PBX1: variants seen among roughly 807,000 people sequenced by gnomAD.
The protein encoded by PBX1 is PBX homeobox 1, also known as pre-B-cell leukemia transcription factor 1.
Under a neutral mutation model 53.4 loss-of-function variants are expected in PBX1, and 6 were observed. The observed-to-expected ratio is 0.11, with a 90% CI of 0.06 to 0.22. The LOEUF (loss-of-function observed/expected upper bound fraction) is 0.22, where lower values mean the gene tolerates loss of function less well. Ranked by LOEUF, PBX1 falls within the 10% of genes least tolerant of loss-of-function variation. The pLI is 1.00. For missense variants in PBX1, 251 were observed against 551.4 expected, an observed-to-expected ratio of 0.46 and a Z score of 5.46; for synonymous variants, 204 against 212.3, an observed-to-expected ratio of 0.96 and a Z score of 0.34.
rs930366799 is a variant in PBX1, at chr1:164,651,523, C to T, written c.265+88212C>T. ...GCTGCTCTGCTCCCCACCTCGTTAC[C>T]AAAGCTCAAGGTGTCAAATTAAACC... On this transcript the variant is annotated intron_variant, in intron 2 of 8. Transcript: ENST00000420696. Among the ~76,000 whole-genome samples the T allele has an allele frequency of 1.5e-4, 23 of 152,194 alleles. 1 individual carries two copies. Among genetic ancestry groups the T allele is most frequent in the Admixed American group, 1.5e-3 (23 of 15,280 alleles).
intron 2 of PBX1, among the ~76,000 whole-genome samples, chr1:164,564,410 CG>C: frequency 6.6e-6 from 1 of 151,408 alleles, no homozygotes; most frequent in South Asian, 2.1e-4. Flanking sequence ...AAAAAATGGG[CG>C]GGGGGAGAGG....
intron 2 of PBX1, among the ~76,000 whole-genome samples, chr1:164,662,379 A>G (rs1054282990): frequency 1.3e-5 from 2 of 152,190 alleles, no homozygotes; most frequent in African/African-American, 4.8e-5. Flanking sequence ...CCATCTGACC[A>G]GACTCTGGGC....
At chr1:164,644,984 C>T (rs1482136069) in intron 2 of PBX1, among the ~76,000 whole-genome samples, 1 of 152,176 alleles carries the variant, frequency 6.6e-6, no homozygotes, top group Non-Finnish European at 1.5e-5. Context: ...GGACTAGGGA[C>T]TGCTTTTTCT....
intron 2 of PBX1, among the ~76,000 whole-genome samples, chr1:164,756,020 G>GA (rs1191720880): frequency 1.4e-5 from 2 of 145,962 alleles, no homozygotes; most frequent in Non-Finnish European, 3.0e-5. Context: ...AAAAAAGAAA[G>GA]AAAAAAACCC....
At chr1:164,618,478 T>C (rs904896273) in intron 2 of PBX1, among the ~76,000 whole-genome samples, 5 of 152,230 alleles carry the variant, frequency 3.3e-5, no homozygotes, top group Admixed American at 6.5e-5. Flanking sequence ...ATTTCAGTGA[T>C]CTGATAATTT....
intron 2 of PBX1, among the ~76,000 whole-genome samples, chr1:164,777,154 G>A (rs1482930804): frequency 6.6e-6 from 1 of 152,122 alleles, no homozygotes; most frequent in Non-Finnish European, 1.5e-5. Flanking sequence ...TCTCAGGAGG[G>A]ACTGGGCATG....
chr1:164,699,194 T>C (rs529850470), intron 2 of PBX1, among the ~76,000 whole-genome samples: 1 of 152,282 alleles, frequency 6.6e-6, no homozygotes, highest in Admixed American at 6.5e-5. Context: ...CCAAGATCCC[T>C]CTCTATCTAT....
chr1:164,668,395 A>T (rs1432396093), intron 2 of PBX1, among the ~76,000 whole-genome samples: 1 of 152,124 alleles, frequency 6.6e-6, no homozygotes, highest in Admixed American at 6.5e-5. Flanking sequence ...GGACAAATGT[A>T]TACAAATTCT....
chr1:164,651,888 GCAGA>G (rs1173449322), intron 2 of PBX1: 1 of 151,302 alleles, frequency 6.6e-6, no homozygotes, highest in Non-Finnish European at 1.5e-5. Flanking sequence ...ACCTCGCAAA[GCAGA>G]CAGAGCAAGT....
rs116031890 is a variant in PBX1, at chr1:164,706,308, T to C, written c.266-86186T>C. Among the ~76,000 whole-genome samples, 392 of 152,304 alleles carry C rather than the reference T, an allele frequency of 2.6e-3. 2 individuals are homozygous for C. The highest frequency in any genetic ancestry group is 9.0e-3 in the African/African-American group (373 of 41,570). ...TTAGACCATGCCTTAAGAAGTATGG[T>C]GTGACTTCCTTTATTCACTAAATGT... On this transcript the variant is annotated intron_variant, in intron 2 of 8. Coordinates refer to ENST00000420696, the MANE Select transcript of PBX1 (RefSeq NM_002585.4).
At chr1:164,592,600 C>G (rs1269498913) in intron 2 of PBX1, among the ~76,000 whole-genome samples, 1 of 152,180 alleles carries the variant, frequency 6.6e-6, no homozygotes, top group Admixed American at 6.5e-5. Flanking sequence ...CAGAGTCTAG[C>G]CTGGACCAGG....
intron 2 of PBX1, among the ~76,000 whole-genome samples, chr1:164,697,840 G>A (rs1208534859): frequency 1.3e-5 from 2 of 152,184 alleles, no homozygotes; most frequent in Admixed American, 6.5e-5. Flanking sequence ...AAAAGCAGAA[G>A]TGTTCTTTGC....
chr1:164,878,415 G>A (rs1672566909), intron 2 of PBX1, among the ~76,000 whole-genome samples: 1 of 152,110 alleles, frequency 6.6e-6, no homozygotes, highest in African/African-American at 2.4e-5. Flanking sequence ...TAAAACAATA[G>A]CCTGCCTATG....
intron 2 of PBX1, among the ~76,000 whole-genome samples, chr1:164,696,427 A>G (rs1291090867): frequency 6.6e-6 from 1 of 152,170 alleles, no homozygotes; most frequent in Non-Finnish European, 1.5e-5. Flanking sequence ...TGTTAGGCAT[A>G]TGGCTGGAGG....
intron 2 of PBX1, chr1:164,683,627 A>C (rs1452426653): frequency 1.1e-4 from 16 of 152,172 alleles, no homozygotes; most frequent in Admixed American, 1.0e-3. Context: ...CAAAACACAT[A>C]CACACTCTCA....
intron 2 of PBX1, among the ~76,000 whole-genome samples, chr1:164,759,541 G>A (rs1031427178): frequency 6.6e-5 from 10 of 152,240 alleles, no homozygotes; most frequent in African/African-American, 2.4e-4. Flanking sequence ...AGAAACATAA[G>A]GAAAACATTT....
chr1:164,719,753 G>T (rs1664301466), intron 2 of PBX1, among the ~76,000 whole-genome samples: 1 of 152,128 alleles, frequency 6.6e-6, no homozygotes, highest in Non-Finnish European at 1.5e-5. Flanking sequence ...CTGGGCACTG[G>T]AAAGCACATG....
chr1:164,604,397 G>A (rs1188107694), intron 2 of PBX1, among the ~76,000 whole-genome samples: 1 of 152,102 alleles, frequency 6.6e-6, no homozygotes, highest in African/African-American at 2.4e-5. Flanking sequence ...TTACTCTAAG[G>A]GTTACAATCT....
chr1:164,809,373 T>C (rs1669500279), intron 5 of PBX1, among the ~76,000 whole-genome samples: 1 of 152,214 alleles, frequency 6.6e-6, no homozygotes, highest in Non-Finnish European at 1.5e-5. Flanking sequence ...CCCTTTCCTC[T>C]GTCCATGCCA....
Sources: gnomAD v4.1 joint callset for allele counts (sites outside exome capture counted in the v4.1 genomes callset) on GRCh38, gnomAD v4.1.1 for gene constraint, MANE v1.5 for transcripts, NCBI Gene and HGNC (gene_info 2026-07-23, HGNC 2026-07-21) for gene names.